The following MAGI1 variants were observed in gnomAD, a reference collection of about 807,000 sequenced individuals.
MAGI1 encodes membrane-associated guanylate kinase, WW and PDZ domain-containing protein 1.
Under a neutral mutation model 139.9 loss-of-function variants are expected in MAGI1, and 58 were observed. The observed-to-expected ratio is 0.41, with a 90% CI of 0.34 to 0.52. The LOEUF is 0.52. Ranked by LOEUF, MAGI1 falls within the 20% of genes least tolerant of loss-of-function variation. MAGI1 has a pLI of 0.12. For missense variants in MAGI1, 1,874 were observed against 1,901.6 expected (o/e 0.99, Z 0.27); for synonymous variants, 812 against 737.9 (o/e 1.10, Z -1.63).
In MAGI1 at chr3:66,038,212, G is replaced by C; in HGVS notation, c.97C>G (p.Leu33Val). The C allele has an allele frequency of 6.2e-7, 1 of 1,612,052 alleles. No individual in the cohort carries two copies. Among genetic ancestry groups the C allele is most frequent in the Non-Finnish European group, 8.5e-7 (1 of 1,179,656 alleles). Residue 33 changes from leucine to valine, a missense_variant, in exon 1 of 23, where the codon CTG becomes GTG. Leu to Val is a conservative substitution (Grantham distance 32). Coordinates refer to ENST00000402939, the MANE Select transcript of MAGI1 (RefSeq NM_001033057.2). Reference sequence around the variant, plus strand: ...AACTCCCCGTGCTCCGCGCCTCCCAGCACCGTCACCCCCAGCTCGCCCTGG... The same window carrying C: ...AACTCCCCGTGCTCCGCGCCTCCCACCACCGTCACCCCCAGCTCGCCCTGG... Reference protein sequence around the residue: ...GPQGELGVTVLGGAEHGEFPY... With the variant: ...GPQGELGVTVVGGAEHGEFPY...
rs1341221011 is a variant in MAGI1, at chr3:65,566,017, A to T, written c.430+55955T>A. On this transcript the variant is annotated intron_variant, in intron 2 of 22. Coordinates refer to ENST00000402939, the MANE Select transcript of MAGI1 (RefSeq NM_001033057.2). Reference sequence around the variant, plus strand: ...ACGCCTATAATCCCAGCACTTTGGGAGGCTGAGGCGGGCGGATCACAAGGT... The same window carrying T: ...ACGCCTATAATCCCAGCACTTTGGGTGGCTGAGGCGGGCGGATCACAAGGT... Among the ~76,000 whole-genome samples, 3 of 152,040 alleles carry T rather than the reference A, an allele frequency of 2.0e-5. No homozygotes were observed. The East Asian group carries it at 5.8e-4, about 29-fold the overall frequency.
intron 2 of MAGI1, among the ~76,000 whole-genome samples, chr3:65,576,760 A>T (rs2081197966): frequency 6.6e-6 from 1 of 152,136 alleles, no homozygotes; most frequent in African/African-American, 2.4e-5. Flanking sequence ...GAATCCTTTC[A>T]CTACTAGATT....
intron 1 of MAGI1, among the ~76,000 whole-genome samples, chr3:65,792,148 A>G (rs189221920): frequency 6.6e-6 from 1 of 152,340 alleles, no homozygotes; most frequent in East Asian, 1.9e-4. Flanking sequence ...CTATTAATAG[A>G]AAACTAATAA....
intron 2 of MAGI1, among the ~76,000 whole-genome samples, chr3:65,599,540 CTG>C (rs765810484): frequency 1.3e-5 from 2 of 152,160 alleles, no homozygotes; most frequent in African/African-American, 2.4e-5. Flanking sequence ...AGCTGTGTGA[CTG>C]TAGATAATTA....
intron 12 of MAGI1, chr3:65,401,709 C>G: frequency 1.3e-6 from 2 of 1,514,764 alleles, no homozygotes; most frequent in Non-Finnish European, 8.9e-7. Flanking sequence ...TGTACTGCAG[C>G]AGCCTGGAGG....
chr3:65,828,441 A>C (rs1480482036), intron 1 of MAGI1, among the ~76,000 whole-genome samples: 1 of 152,182 alleles, frequency 6.6e-6, no homozygotes, highest in Non-Finnish European at 1.5e-5. Context: ...AGTATATCTC[A>C]CATCTATGTA....
At chr3:65,693,230 T>C (rs960501338) in intron 1 of MAGI1, among the ~76,000 whole-genome samples, 1 of 152,276 alleles carries the variant, frequency 6.6e-6, no homozygotes, top group Admixed American at 6.5e-5. Flanking sequence ...TGGGTGTGAA[T>C]CACTGCGCCT....
chr3:65,410,657 T>C (rs921424444), intron 12 of MAGI1, among the ~76,000 whole-genome samples: 1 of 152,204 alleles, frequency 6.6e-6, no homozygotes, highest in African/African-American at 2.4e-5. Context: ...GACATGCATT[T>C]GGGAAGACAG....
intron 2 of MAGI1, among the ~76,000 whole-genome samples, chr3:65,581,707 A>C (rs567398322): frequency 2.6e-4 from 39 of 152,222 alleles, no homozygotes; most frequent in Non-Finnish European, 4.3e-4. Flanking sequence ...CCTGCCATTC[A>C]TCTCCCATCA....
intron 12 of MAGI1, among the ~76,000 whole-genome samples, chr3:65,421,003 C>T (rs1262961118): frequency 2.6e-5 from 4 of 152,080 alleles, no homozygotes; most frequent in Admixed American, 6.6e-5. Flanking sequence ...AGTTTAAAAA[C>T]CATGAGATCA....
At chr3:65,591,640 G>T (rs1366095582) in intron 2 of MAGI1, among the ~76,000 whole-genome samples, 1 of 152,120 alleles carries the variant, frequency 6.6e-6, no homozygotes, top group African/African-American at 2.4e-5. Context: ...TGGCGTGGTT[G>T]GTTAGGGTCT....
At chr3:65,474,895 C>G (rs79800001) in intron 4 of MAGI1, among the ~76,000 whole-genome samples, 1,816 of 152,190 alleles carry the variant, frequency 0.012, 38 homozygotes, top group African/African-American at 0.04. Flanking sequence ...CCTCCCTCAC[C>G]AGTTTTGCGA....
rs1471286241 is a variant in MAGI1, at chr3:65,742,434, A to T, written c.314-120346T>A. On this transcript the variant is annotated intron_variant, in intron 1 of 22. Coordinates refer to ENST00000402939, the MANE Select transcript of MAGI1 (RefSeq NM_001033057.2). ...GAGCAAGTAAGGGCTTCAGAGCCAG[A>T]CACATCAGAATGTGACTTGGGGCTC... 4.6e-5 allele frequency among the ~76,000 whole-genome samples: 7 copies of T among 152,196 alleles called. No homozygotes were observed. In the East Asian group the frequency reaches 1.3e-3, roughly 29 times the overall value.
intron 1 of MAGI1, among the ~76,000 whole-genome samples, chr3:65,870,774 G>T (rs1006067181): frequency 3.3e-5 from 5 of 151,426 alleles, no homozygotes; most frequent in Non-Finnish European, 7.4e-5. Flanking sequence ...ACTTTTATAT[G>T]TTCCTACAAG....
intron 12 of MAGI1, among the ~76,000 whole-genome samples, chr3:65,415,147 A>C (rs1946111820): frequency 6.6e-6 from 1 of 152,194 alleles, no homozygotes; most frequent in Non-Finnish European, 1.5e-5. Flanking sequence ...TGTTTACTGA[A>C]GGAACGTGCT....
At chr3:65,611,663 T>TATATACAGTATATATATACTAGTATTATA in intron 2 of MAGI1, among the ~76,000 whole-genome samples, 1 of 131,980 alleles carries the variant, frequency 7.6e-6, no homozygotes, top group Non-Finnish European at 1.7e-5. Flanking sequence ...TACTATACTA[T>TATATACAGTATATATATACTAGTATTATA]TATAGTATAC....
intron 1 of MAGI1, among the ~76,000 whole-genome samples, chr3:66,010,660 T>C (rs993560927): frequency 6.6e-6 from 1 of 152,176 alleles, no homozygotes; most frequent in African/African-American, 2.4e-5. Flanking sequence ...TCTTTGAAAA[T>C]CCCAAACACC....
At chr3:65,442,293 C>G (rs940447229) in intron 8 of MAGI1, among the ~76,000 whole-genome samples, 2 of 152,150 alleles carry the variant, frequency 1.3e-5, no homozygotes, top group African/African-American at 4.8e-5. Context: ...TAGGCTAGTT[C>G]TCCATTTTCT....
intron 4 of MAGI1, among the ~76,000 whole-genome samples, chr3:65,476,773 A>C (rs1950915096): frequency 9.0e-6 from 1 of 111,480 alleles, no homozygotes; most frequent in African/African-American, 2.7e-5. Context: ...CAAGGCATTA[A>C]AGTATGAGAT....
Sources: allele counts gnomAD v4.1 joint callset (sites outside exome capture counted in the v4.1 genomes callset), GRCh38; gene constraint gnomAD v4.1.1; transcripts MANE v1.5; gene names NCBI Gene and HGNC (gene_info 2026-07-23, HGNC 2026-07-21).